KREMEN1: variants seen among roughly 807,000 people sequenced by gnomAD.
KREMEN1 encodes the protein kringle containing transmembrane protein 1, also known as kremen protein 1.
In KREMEN1, 30 loss-of-function variants were observed where a neutral mutation model predicts 46.5. The observed-to-expected ratio is 0.65, with a 90% CI of 0.48 to 0.88. The LOEUF (loss-of-function observed/expected upper bound fraction) is 0.88, where lower values mean the gene tolerates loss of function less well. KREMEN1 is among the 40% of genes least tolerant of loss of function. The pLI is 0.00. For synonymous variants in KREMEN1, 214 were observed against 230.6 expected, an observed-to-expected ratio of 0.93 and a Z score of 0.65; for missense variants, 533 against 596.9, an observed-to-expected ratio of 0.89 and a Z score of 1.11.
intron 5 of KREMEN1, among the ~76,000 whole-genome samples, chr22:29,127,181 A>G (rs878727): frequency 0.025 from 3,754 of 152,262 alleles, 153 homozygotes; most frequent in African/African-American, 0.086. Flanking sequence ...CTTCTGAAGT[A>G]GGGGTTATTG....
intron 3 of KREMEN1, among the ~76,000 whole-genome samples, chr22:29,105,290 T>G (rs134672): frequency 0.75 from 113,237 of 151,752 alleles, 42,953 homozygotes; most frequent in African/African-American, 0.88. Context: ...CTTATCAGTA[T>G]GTCTAGAACA....
chr22:29,153,292 C>CAG (rs2038932429), intron 9 of KREMEN1, among the ~76,000 whole-genome samples: 1 of 152,178 alleles, frequency 6.6e-6, no homozygotes, highest in South Asian at 2.1e-4. Context: ...GACCTCCTAT[C>CAG]TCATCCTGTG....
chr22:29,102,437 A>G (rs2037992341), intron 3 of KREMEN1, among the ~76,000 whole-genome samples: 1 of 152,262 alleles, frequency 6.6e-6, no homozygotes. Context: ...AGAAGAAAGA[A>G]GCAGAGGGAG....
At chr22:29,116,017 C>T (rs1447073896) in intron 3 of KREMEN1, among the ~76,000 whole-genome samples, 1 of 152,076 alleles carries the variant, frequency 6.6e-6, no homozygotes, top group Admixed American at 6.5e-5. Context: ...TGGGGGGCAA[C>T]CAGAGAGCTT....
chr22:29,090,831 G>C (rs1315299367), intron 1 of KREMEN1, among the ~76,000 whole-genome samples: 1 of 152,132 alleles, frequency 6.6e-6, no homozygotes, highest in Non-Finnish European at 1.5e-5. Flanking sequence ...CACAGAATCT[G>C]ATACACTGCC....
chr22:29,162,065 C>T (rs572668364), intron 9 of KREMEN1, among the ~76,000 whole-genome samples: 2 of 151,116 alleles, frequency 1.3e-5, no homozygotes, highest in African/African-American at 2.4e-5. Context: ...TGCAGTGAGC[C>T]GAGATTGTGT....
intron 9 of KREMEN1, among the ~76,000 whole-genome samples, chr22:29,155,710 G>A (rs975774951): frequency 1.1e-4 from 17 of 152,128 alleles, no homozygotes; most frequent in Admixed American, 1.0e-3. Context: ...TGTAATTCCA[G>A]CACTTTGAGA....
At chr22:29,151,547 G>A (rs1454565117), downstream of KREMEN1, among the ~76,000 whole-genome samples, 4 of 152,122 alleles carry the variant, frequency 2.6e-5, no homozygotes, top group Admixed American at 2.6e-4. Context: ...GGGGATGGGG[G>A]CCACCAAGCT....
chr22:29,138,728 A>G lies in KREMEN1; in HGVS notation c.1069A>G (p.Lys357Glu). The change falls in exon 7 of 9, where the codon AAA becomes GAA. Residue 357 changes from lysine (K) to glutamate (E), a missense_variant. Physicochemically the swap from Lys to Glu is moderately conservative, Grantham distance 56. Transcript: ENST00000400335. Reference protein sequence around the residue: ...NLSVSAARSSKVLYVITTSPS... With the variant: ...NLSVSAARSSEVLYVITTSPS... ...CAGTGTCAGCGCTGCCCGGTCCTCC[A>G]AAGTCCTCTATGTCATCACCACCAG... 6.2e-7 allele frequency: 1 copy of G among 1,614,222 alleles called. No homozygotes were observed. The highest frequency in any genetic ancestry group is 8.5e-7 in the Non-Finnish European group (1 of 1,180,040).
rs546729127 is a variant in KREMEN1 at position 29,145,408 on chromosome 22, C to A, written c.*3296C>A. 2.0e-6 allele frequency: 2 copies of A among 985,368 alleles called. No individual in the cohort carries two copies. The highest frequency in any genetic ancestry group is 3.5e-5 in the African/African-American group (2 of 57,192). 61.0% of individuals were successfully genotyped at this position (985,368 alleles called of 1,614,324 possible). A position where few individuals can be genotyped will look rare whatever the true frequency, so the allele number is the denominator to read the frequency against. ...CAAAGCCCCTCCTGAGGTGACAGAG[C>A]GTGGGAGGAGGCTGCACTGGGCCTG... On this transcript the variant is annotated 3_prime_UTR_variant, in exon 9 of 9. Coordinates refer to ENST00000400335, the MANE Select transcript of KREMEN1 (RefSeq NM_001039570.3).
chr22:29,120,946 G>A (rs754407133), intron 3 of KREMEN1, among the ~76,000 whole-genome samples: 8 of 152,198 alleles, frequency 5.3e-5, no homozygotes, highest in Admixed American at 1.3e-4. Context: ...GGAATTAGGA[G>A]CTTAAATAGA....
intron 9 of KREMEN1, among the ~76,000 whole-genome samples, chr22:29,164,217 T>TG (rs1355030509): frequency 6.6e-6 from 1 of 152,196 alleles, no homozygotes; most frequent in Admixed American, 6.5e-5. Context: ...GACTATGGTG[T>TG]GGGGGGCCTT....
At chr22:29,074,365 GC>G (rs2123915008) in intron 1 of KREMEN1, among the ~76,000 whole-genome samples, 1 of 152,356 alleles carries the variant, frequency 6.6e-6, no homozygotes, top group South Asian at 2.1e-4. Flanking sequence ...GCAACGCCGA[GC>G]TCCGTGTTTT....
chr22:29,142,848 G>A lies in KREMEN1; in HGVS notation c.*736G>A. On this transcript the variant is annotated 3_prime_UTR_variant, in exon 9 of 9. Transcript: ENST00000400335. ...TGCAGGGAAAGCTTTAAGAGCTTTG[G>A]TCATATAAAACATCCATTCAGCTGG... 1 of 985,454 alleles carries A rather than the reference G, an allele frequency of 1.0e-6. No individual in the cohort carries two copies. Among genetic ancestry groups the A allele is most frequent in the Non-Finnish European group, 1.2e-6 (1 of 829,974 alleles). The allele number at this position is 985,454 out of a possible 1,614,324, so 61.0% of individuals were successfully genotyped here.
At chr22:29,150,279 T>C (rs2038905228), downstream of KREMEN1, among the ~76,000 whole-genome samples, 1 of 145,582 alleles carries the variant, frequency 6.9e-6, no homozygotes, top group Non-Finnish European at 1.5e-5. Flanking sequence ...AGGACGCCCA[T>C]CTCCAGGACA....
intron 9 of KREMEN1, among the ~76,000 whole-genome samples, chr22:29,157,708 G>C (rs1451924951): frequency 2.6e-5 from 4 of 152,202 alleles, no homozygotes; most frequent in Non-Finnish European, 5.9e-5. Flanking sequence ...AAACACGGAG[G>C]CTGGTGGCAA....
At chr22:29,091,867 A>G (rs2037811290) in intron 1 of KREMEN1, among the ~76,000 whole-genome samples, 1 of 152,178 alleles carries the variant, frequency 6.6e-6, no homozygotes, top group Non-Finnish European at 1.5e-5. Flanking sequence ...TCAGTCTGTG[A>G]TGGGAAGTAT....
intron 9 of KREMEN1, among the ~76,000 whole-genome samples, chr22:29,153,245 G>T (rs963201704): frequency 6.6e-6 from 1 of 152,206 alleles, no homozygotes; most frequent in Non-Finnish European, 1.5e-5. Context: ...TATCAGCGGG[G>T]TCTTTGTGAC....
At chr22:29,088,247 C>T (rs2037757010) in intron 1 of KREMEN1, among the ~76,000 whole-genome samples, 1 of 152,012 alleles carries the variant, frequency 6.6e-6, no homozygotes, top group Admixed American at 6.6e-5. Context: ...TGTTATCTTA[C>T]CTTTTATAGC....
Sources: gnomAD v4.1 joint callset for allele counts (sites outside exome capture counted in the v4.1 genomes callset) on GRCh38, gnomAD v4.1.1 for gene constraint, MANE v1.5 for transcripts, NCBI Gene and HGNC (gene_info 2026-07-23, HGNC 2026-07-21) for gene names.